The following CDC14A variants were observed in gnomAD, a reference collection of about 807,000 sequenced individuals.
CDC14A encodes the protein cell division cycle 14A.
A neutral mutation model predicts 74.4 loss-of-function variants in CDC14A; 53 were observed. That is an observed-to-expected ratio of 0.71 (90% CI 0.57 to 0.89). CDC14A has a LOEUF of 0.89. Among genes scored for constraint, CDC14A ranks in the 40% least tolerant of loss-of-function variants. CDC14A has a pLI of 0.00. For missense variants in CDC14A, 646 were observed against 713.7 expected (o/e 0.91, Z 1.08); for synonymous variants, 247 against 258.4 (o/e 0.96, Z 0.43).
intron 9 of CDC14A, among the ~76,000 whole-genome samples, chr1:100,466,378 C>G (rs1667804621): frequency 6.6e-6 from 1 of 152,138 alleles, no homozygotes; most frequent in Non-Finnish European, 1.5e-5. Flanking sequence ...AGGGAATTAA[C>G]AACGATAGGC....
chr1:100,353,944 T>C (rs942619921), intron 2 of CDC14A, 92 bp downstream of exon 2: 2 of 708,492 alleles, frequency 2.8e-6, no homozygotes, highest in African/African-American at 1.8e-5. Flanking sequence ...TTTTATTCAT[T>C]TCCCCCCCAA....
At chr1:100,491,548 C>CTCTCTCTCTCTCTA (rs1223420176) in intron 11 of CDC14A, among the ~76,000 whole-genome samples, 2 of 38,760 alleles carry the variant, frequency 5.2e-5, no homozygotes, top group Non-Finnish European at 9.9e-5. Context: ...CTCTCTCTCT[C>CTCTCTCTCTCTCTA]TATATATATA....
intron 15 of CDC14A, among the ~76,000 whole-genome samples, chr1:100,501,235 T>C (rs1005368109): frequency 6.6e-6 from 1 of 152,242 alleles, no homozygotes; most frequent in African/African-American, 2.4e-5. Flanking sequence ...CAGCAGGCAT[T>C]GAGTTCAGTC....
intron 5 of CDC14A, among the ~76,000 whole-genome samples, chr1:100,424,571 T>A (rs970458619): frequency 7.2e-5 from 11 of 152,336 alleles, no homozygotes; most frequent in African/African-American, 2.2e-4. Flanking sequence ...AGTGCCTCAT[T>A]TATAAGCTAA....
At chr1:100,468,571 G>C (rs1388140843) in intron 10 of CDC14A, among the ~76,000 whole-genome samples, 1 of 152,066 alleles carries the variant, frequency 6.6e-6, no homozygotes, top group Non-Finnish European at 1.5e-5. Flanking sequence ...TACCACAGAA[G>C]AAAAAAGGAG....
rs756422848 is a variant in CDC14A at position 100,499,110 on chromosome 1, C to G, written c.1603C>G (p.Gln535Glu). ...AAATTACCCTGAGCTCAACAATAAT[C>G]AGTACAACAGAAGCAGCAACAGCAA... ...TRNYPELNNN[Q>E]YNRSSNSNGG... Residue 535 changes from glutamine (Q) to glutamate (E), a missense_variant, in exon 15 of 16, where the codon CAG (glutamine) becomes GAG (glutamate). By Grantham distance (29) the Gln-to-Glu change is conservative. Coordinates refer to ENST00000336454, the MANE Select transcript of CDC14A (RefSeq NM_003672.4). The G allele has an allele frequency of 6.2e-7, 1 of 1,614,200 alleles. No homozygotes were observed. The highest frequency in any genetic ancestry group is 1.3e-5 in the African/African-American group (1 of 75,036).
chr1:100,419,642 A>G (rs1363714661), intron 4 of CDC14A, among the ~76,000 whole-genome samples: 1 of 152,106 alleles, frequency 6.6e-6, no homozygotes, highest in East Asian at 1.9e-4. Context: ...TTGTAAATGG[A>G]GTCTCTCCTT....
intron 2 of CDC14A, among the ~76,000 whole-genome samples, chr1:100,358,876 T>C (rs1394923686): frequency 2.0e-5 from 3 of 152,210 alleles, no homozygotes; most frequent in African/African-American, 7.2e-5. Context: ...TTTGTGGGAA[T>C]GCATATTTAG....
In CDC14A at chr1:100,425,553, G is replaced by T. The variant is rs886469146; in HGVS notation, c.389+1252G>T. Among the ~76,000 whole-genome samples, 3 of 152,090 alleles carry T rather than the reference G, an allele frequency of 2.0e-5. No homozygotes were observed. In the East Asian group the frequency reaches 5.8e-4, roughly 29 times the overall value. On this transcript the variant is annotated intron_variant, in intron 5 of 15. Coordinates refer to ENST00000336454, the MANE Select transcript of CDC14A (RefSeq NM_003672.4). ...GAGATCACAGGAGGTAGCTGTTAGG[G>T]TAAGACATGGGGAGGGAAGAAGCAA...
rs543817139 is a variant in CDC14A, at chr1:100,494,244, G to A, written c.1138-574G>A. 5.3e-5 allele frequency among the ~76,000 whole-genome samples: 8 copies of A among 152,178 alleles called. No individual in the cohort carries two copies. The East Asian group carries it at 1.5e-3, about 29-fold the overall frequency. ...ACTAGCATTTGAAGAGACTAGCATGGTACTTCTATTTTTCAAACTTTAAAG... is the reference window on the plus strand; with the variant it reads ...ACTAGCATTTGAAGAGACTAGCATGATACTTCTATTTTTCAAACTTTAAAG... On this transcript the variant is annotated intron_variant, in intron 11 of 15. Transcript: ENST00000336454.
At chr1:100,420,895 A>G (rs1662288148) in intron 4 of CDC14A, among the ~76,000 whole-genome samples, 1 of 152,152 alleles carries the variant, frequency 6.6e-6, no homozygotes, top group African/African-American at 2.4e-5. Context: ...AGAAGCTTTT[A>G]TTAAAGAAAC....
At chr1:100,387,887 G>A (rs1378473214) in intron 3 of CDC14A, among the ~76,000 whole-genome samples, 1 of 151,584 alleles carries the variant, frequency 6.6e-6, no homozygotes, top group African/African-American at 2.4e-5. Flanking sequence ...AAAAACCCAA[G>A]GAAGAAATAA....
Position 100,484,425 on chromosome 1 carries a change from A to G in CDC14A, c.1111A>G (p.Thr371Ala). The G allele has an allele frequency of 6.2e-7, 1 of 1,604,824 alleles. No individual in the cohort carries two copies. The highest frequency in any genetic ancestry group is 8.5e-7 in the Non-Finnish European group (1 of 1,176,336). Residue 371 changes from threonine (T) to alanine (A), a missense_variant, in exon 11 of 16, where the codon ACA becomes GCA. Coordinates refer to ENST00000336454, the MANE Select transcript of CDC14A (RefSeq NM_003672.4). ...GTCTATTGGTGGAAATCTTTCAAAA[A>G]CACAAAACATGGAACGATTTGGAGA... The part of the protein sequence containing the change: ...DMSIGGNLSK[T>A]QNMERFGEDN...
At chr1:100,361,256 G>C (rs1652717085) in intron 2 of CDC14A, among the ~76,000 whole-genome samples, 2 of 152,198 alleles carry the variant, frequency 1.3e-5, no homozygotes, top group African/African-American at 4.8e-5. Flanking sequence ...TTAGTATTTA[G>C]ATGGGATAGA....
At chr1:100,391,424 G>A (rs1657685197) in intron 4 of CDC14A, among the ~76,000 whole-genome samples, 1 of 152,170 alleles carries the variant, frequency 6.6e-6, no homozygotes, top group Non-Finnish European at 1.5e-5. Context: ...AATTCCACAT[G>A]ACCATGCTGT....
At chr1:100,424,186 T>C in intron 4 of CDC14A, 36 bp from the exon 5 acceptor site, 1 of 1,479,746 alleles carries the variant, frequency 6.8e-7, no homozygotes, top group Non-Finnish European at 9.5e-7. Context: ...TGTGTCATTC[T>C]TGGGTGTTCT....
rs145456311 is a variant in CDC14A at position 100,474,694 on chromosome 1, A to AT, written c.977+6609dup. ...CATTTCTGATGTTAGTAATTTGTGT[A>AT]TTTTTTTTTCCCTTTGTCAGTCTCC... On this transcript the variant is annotated intron_variant, in intron 10 of 15. Coordinates refer to ENST00000336454, the MANE Select transcript of CDC14A (RefSeq NM_003672.4). 7.6e-5 allele frequency among the ~76,000 whole-genome samples: 11 copies of AT among 144,360 alleles called. 1 individual carries two copies. Among genetic ancestry groups the AT allele is most frequent in the Middle Eastern group, 3.6e-3 (1 of 280 alleles). 94.7% of individuals were successfully genotyped at this position (144,360 alleles called of 152,430 possible). A position where few individuals can be genotyped will look rare whatever the true frequency, so the allele number is the denominator to read the frequency against.
At chr1:100,502,793 G>T (rs139462099) in intron 15 of CDC14A, among the ~76,000 whole-genome samples, 1 of 152,036 alleles carries the variant, frequency 6.6e-6, no homozygotes, top group Non-Finnish European at 1.5e-5. Context: ...GTCTCGTTCC[G>T]TATTTTGTTA....
At chr1:100,516,643 CTT>C (rs1650260674) in intron 15 of CDC14A, among the ~76,000 whole-genome samples, 1 of 152,090 alleles carries the variant, frequency 6.6e-6, no homozygotes, top group African/African-American at 2.4e-5. Context: ...GCTTGCCAGA[CTT>C]AGAAGAAACC....
Sources: allele counts gnomAD v4.1 joint callset (sites outside exome capture counted in the v4.1 genomes callset), GRCh38; gene constraint gnomAD v4.1.1; transcripts MANE v1.5; gene names NCBI Gene and HGNC (gene_info 2026-07-23, HGNC 2026-07-21).